Variants in HPSE2 observed in about 807,000 individuals in gnomAD.
The protein encoded by HPSE2 is heparanase 2 (inactive), also known as inactive heparanase-2.
In HPSE2, 38 loss-of-function variants were observed where a neutral mutation model predicts 60.5. The ratio of observed to expected loss-of-function variants is 0.63; its 90% CI spans 0.48 to 0.82. HPSE2 has a LOEUF of 0.82. Among genes scored for constraint, HPSE2 ranks in the 40% least tolerant of loss-of-function variants. The probability of loss-of-function intolerance (pLI) is 0.00; values close to 1 mark genes in which losing one functional copy is unlikely to be tolerated. For synonymous variants in HPSE2, 295 were observed against 293.2 expected, an observed-to-expected ratio of 1.01 and a Z score of -0.06; for missense variants, 713 against 740.4, an observed-to-expected ratio of 0.96 and a Z score of 0.43.
intron 6 of HPSE2, among the ~76,000 whole-genome samples, chr10:98,671,935 A>G (rs978575728): frequency 2.0e-5 from 3 of 152,222 alleles, no homozygotes; most frequent in Admixed American, 6.5e-5. Flanking sequence ...TTGTGAGGCT[A>G]ACCTCAAATT....
intron 3 of HPSE2, among the ~76,000 whole-genome samples, chr10:98,982,398 G>A (rs897050964): frequency 2.6e-5 from 4 of 152,110 alleles, no homozygotes; most frequent in African/African-American, 7.2e-5. Context: ...TATAAAGAAA[G>A]TTTTATAAAC....
intron 3 of HPSE2, among the ~76,000 whole-genome samples, chr10:98,876,623 T>G (rs1399481655): frequency 2.0e-5 from 3 of 151,930 alleles, no homozygotes; most frequent in African/African-American, 4.8e-5. Flanking sequence ...CCTAACTCTA[T>G]GCAGACTGAG....
chr10:98,746,047 A>G (rs1232336302), intron 3 of HPSE2, among the ~76,000 whole-genome samples: 1 of 152,116 alleles, frequency 6.6e-6, no homozygotes, highest in African/African-American at 2.4e-5. Flanking sequence ...AAGAAGCACC[A>G]AGAACAAGGA....
chr10:98,876,389 G>A (rs181687153), intron 3 of HPSE2, among the ~76,000 whole-genome samples: 330 of 151,826 alleles, frequency 2.2e-3, no homozygotes, highest in Non-Finnish European at 3.7e-3. Flanking sequence ...AAGAGGCAGC[G>A]CCTTCCAAAT....
intron 3 of HPSE2, among the ~76,000 whole-genome samples, chr10:99,032,621 A>C (rs928979381): frequency 1.3e-5 from 2 of 152,200 alleles, no homozygotes; most frequent in African/African-American, 4.8e-5. Flanking sequence ...ACAAATTACC[A>C]CAAACTTCAT....
rs376244582 is a variant in HPSE2 at position 98,476,181 on chromosome 10, G to T, written c.1613+6455C>A. Among the ~76,000 whole-genome samples, 1,157 of 151,036 alleles carry T rather than the reference G, an allele frequency of 7.7e-3. 6 individuals are homozygous for T. Among genetic ancestry groups the T allele is most frequent in the East Asian group, 0.025 (127 of 5,146 alleles). On this transcript the variant is annotated intron_variant, in intron 11 of 11. Coordinates refer to ENST00000370552, the MANE Select transcript of HPSE2 (RefSeq NM_021828.5). ...AGTTCATGTCCTTTGTAGGGACATG[G>T]ATGAAATTGGAAATCATCATTCTCA...
the HPSE2 span, among the ~76,000 whole-genome samples, chr10:99,312,196 T>C: frequency 6.6e-6 from 1 of 152,322 alleles, no homozygotes; most frequent in Non-Finnish European, 1.5e-5. Context: ...ATCCAGAAGA[T>C]CAAGCTAAAA....
At chr10:99,150,310 T>C (rs910199202) in intron 2 of HPSE2, among the ~76,000 whole-genome samples, 2 of 152,056 alleles carry the variant, frequency 1.3e-5, no homozygotes, top group Non-Finnish European at 1.5e-5. Flanking sequence ...TTGAGACAAA[T>C]GACAGACTGG....
chr10:98,807,451 G>A (rs1951068981), intron 3 of HPSE2, among the ~76,000 whole-genome samples: 1 of 152,116 alleles, frequency 6.6e-6, no homozygotes, highest in African/African-American at 2.4e-5. Context: ...CTAAGCCTCA[G>A]TTTCCTCTTC....
Position 99,087,126 on chromosome 10 carries a change from G to A in HPSE2, c.610+57112C>T, listed in dbSNP as rs118066920. Among the ~76,000 whole-genome samples the A allele has an allele frequency of 1.2e-3, 182 of 152,310 alleles. 4 individuals carry two copies. In the East Asian group the frequency reaches 0.034, roughly 28 times the overall value. On this transcript the variant is annotated intron_variant, in intron 3 of 11. Transcript: ENST00000370552. Reference sequence around the variant, plus strand: ...TAAATGCATACAGCAGGCAACAAATGAAAACTTCACTGGAGCCATCTCTTG... The same window carrying A: ...TAAATGCATACAGCAGGCAACAAATAAAAACTTCACTGGAGCCATCTCTTG...
At chr10:99,253,256 AACTGTACC>A in the HPSE2 span, among the ~76,000 whole-genome samples, 1 of 152,206 alleles carries the variant, frequency 6.6e-6, no homozygotes, top group Non-Finnish European at 1.5e-5. Context: ...TGGCAACCAA[AACTGTACC>A]ACTCATAGTA....
chr10:99,200,968 T>C (rs1848557564), intron 2 of HPSE2, among the ~76,000 whole-genome samples: 1 of 152,194 alleles, frequency 6.6e-6, no homozygotes, highest in Non-Finnish European at 1.5e-5. Context: ...TGCCTGCATT[T>C]TGGCTTTTAG....
chr10:99,008,771 A>G (rs1385498303), intron 3 of HPSE2, among the ~76,000 whole-genome samples: 1 of 152,200 alleles, frequency 6.6e-6, no homozygotes, highest in Non-Finnish European at 1.5e-5. Context: ...ATTCTAAAGC[A>G]GCCAGACTCA....
chr10:99,151,830 TG>T (rs1208646609), intron 2 of HPSE2, among the ~76,000 whole-genome samples: 1 of 152,198 alleles, frequency 6.6e-6, no homozygotes, highest in Admixed American at 6.5e-5. Context: ...ACAGGAGGAC[TG>T]CTTGAGCTCA....
At chr10:99,183,199 G>A (rs906929320) in intron 2 of HPSE2, among the ~76,000 whole-genome samples, 2 of 152,102 alleles carry the variant, frequency 1.3e-5, no homozygotes, top group Non-Finnish European at 2.9e-5. Context: ...TCAGAGTTAA[G>A]AGTGGCCAAG....
intron 3 of HPSE2, among the ~76,000 whole-genome samples, chr10:99,082,134 T>C (rs761459998): frequency 1.3e-5 from 2 of 152,188 alleles, no homozygotes; most frequent in East Asian, 1.9e-4. Context: ...CACGAATTTA[T>C]AAAGGGGCAG....
intron 2 of HPSE2, among the ~76,000 whole-genome samples, chr10:99,197,300 T>C (rs1260329859): frequency 3.9e-5 from 6 of 152,144 alleles, no homozygotes; most frequent in African/African-American, 1.4e-4. Flanking sequence ...CAAGACCTAC[T>C]GTTGGCTAGC....
At chr10:99,267,362 C>T in the HPSE2 span, among the ~76,000 whole-genome samples, 1 of 151,910 alleles carries the variant, frequency 6.6e-6, no homozygotes, top group African/African-American at 2.4e-5. Flanking sequence ...GCAATAGAAT[C>T]AAACAAGCAG....
intron 9 of HPSE2, among the ~76,000 whole-genome samples, chr10:98,601,976 C>T (rs987017403): frequency 3.3e-5 from 5 of 152,182 alleles, no homozygotes; most frequent in East Asian, 1.9e-4. Context: ...GCTACAGTGA[C>T]GAGGACGGGA....
Sources: gnomAD v4.1 joint callset for allele counts (sites outside exome capture counted in the v4.1 genomes callset) on GRCh38, gnomAD v4.1.1 for gene constraint, MANE v1.5 for transcripts, NCBI Gene and HGNC (gene_info 2026-07-23, HGNC 2026-07-21) for gene names.